DTD1: variants seen among roughly 807,000 people sequenced by gnomAD.
The protein encoded by DTD1 is D-aminoacyl-tRNA deacylase 1.
In DTD1, 13 loss-of-function variants were observed where a neutral mutation model predicts 25.6. That is an observed-to-expected ratio of 0.51 (90% CI 0.33 to 0.81). DTD1 has a LOEUF of 0.81. Ranked by LOEUF, DTD1 falls within the 30% of genes least tolerant of loss-of-function variation. The probability of loss-of-function intolerance (pLI) is 0.02; values close to 1 mark genes in which losing one functional copy is unlikely to be tolerated. For synonymous variants in DTD1, 110 were observed against 103.6 expected (o/e 1.06, Z -0.37); for missense variants, 193 against 266.4 (o/e 0.72, Z 1.92).
chr20:18,640,077 T>C (rs1305363932), intron 4 of DTD1, among the ~76,000 whole-genome samples: 1 of 151,946 alleles, frequency 6.6e-6, no homozygotes, highest in South Asian at 2.1e-4. Context: ...AAGTTTCATG[T>C]TGTCCCTTTG....
intron 3 of DTD1, among the ~76,000 whole-genome samples, chr20:18,621,294 G>A (rs932436134): frequency 2.0e-5 from 3 of 152,118 alleles, no homozygotes; most frequent in Admixed American, 2.0e-4. Context: ...GGCATTTTTG[G>A]CAGGAACACT....
At chr20:18,733,109 G>A (rs549441104) in intron 4 of DTD1, among the ~76,000 whole-genome samples, 12 of 152,300 alleles carry the variant, frequency 7.9e-5, no homozygotes, top group African/African-American at 2.4e-4. Flanking sequence ...AGGGAGGAAA[G>A]CCTAAAAGGG....
At chr20:18,744,575 G>A (rs779788397) in intron 5 of DTD1, among the ~76,000 whole-genome samples, 14 of 145,816 alleles carry the variant, frequency 9.6e-5, no homozygotes, top group Non-Finnish European at 1.8e-4. Flanking sequence ...CTTACATGGC[G>A]GCAGGCAAGA....
At chr20:18,612,057 C>T (rs1174023024) in intron 3 of DTD1, among the ~76,000 whole-genome samples, 10 of 89,156 alleles carry the variant, frequency 1.1e-4, no homozygotes, top group East Asian at 8.4e-4. Context: ...TTTTTTGAAA[C>T]GGAGTCTAGC....
In DTD1 at chr20:18,634,455, A is replaced by T. The variant is rs531337746; in HGVS notation, c.477+6222A>T. Among the ~76,000 whole-genome samples the T allele has an allele frequency of 1.5e-4, 23 of 152,346 alleles. No individual in the cohort carries two copies. The South Asian group carries it at 4.6e-3, about 30-fold the overall frequency. On this transcript the variant is annotated intron_variant, in intron 4 of 5. Transcript: ENST00000377452. ...TTAAATTGAAATGCTGGAAGGAGCT[A>T]AAAAAATGAACTTTCAAGTATACAT...
intron 4 of DTD1, among the ~76,000 whole-genome samples, chr20:18,650,494 C>A (rs2060870256): frequency 6.6e-6 from 1 of 152,206 alleles, no homozygotes. Context: ...CGCTGAGCAC[C>A]CTACTTCATG....
rs140737762 is a variant in DTD1 at position 18,690,598 on chromosome 20, G to A, written c.478-53502G>A. 4.8e-3 allele frequency among the ~76,000 whole-genome samples: 735 copies of A among 152,256 alleles called. 8 individuals are homozygous for A. Among genetic ancestry groups the A allele is most frequent in the African/African-American group, 0.017 (709 of 41,556 alleles). On this transcript the variant is annotated intron_variant, in intron 4 of 5. Coordinates refer to ENST00000377452, the MANE Select transcript of DTD1 (RefSeq NM_080820.6). ...ATCCCAGCATCCTTTATTAAATAGG[G>A]AGTGCTTTCCCCATTGCTTATTTTT...
chr20:18,617,629 A>C (rs548552529), intron 3 of DTD1, among the ~76,000 whole-genome samples: 1 of 152,208 alleles, frequency 6.6e-6, no homozygotes, highest in African/African-American at 2.4e-5. Context: ...AAAAGGTCTA[A>C]ACTGGAAAGG....
At chr20:18,724,910 C>T (rs2061217817) in intron 4 of DTD1, among the ~76,000 whole-genome samples, 1 of 152,250 alleles carries the variant, frequency 6.6e-6, no homozygotes, top group South Asian at 2.1e-4. Flanking sequence ...TGGCATGCCC[C>T]CTCTTTTGTT....
At chr20:18,660,451 G>A (rs1038051312) in intron 4 of DTD1, among the ~76,000 whole-genome samples, 1 of 152,012 alleles carries the variant, frequency 6.6e-6, no homozygotes, top group African/African-American at 2.4e-5. Context: ...GAACTCCTGA[G>A]CTCAAGTAAT....
intron 4 of DTD1, chr20:18,630,675 T>G (rs1057387727): frequency 1.3e-5 from 2 of 152,144 alleles, no homozygotes; most frequent in African/African-American, 4.8e-5. Flanking sequence ...GTTCACTAGG[T>G]TTTTTAAATG....
At chr20:18,595,328 G>A (rs376857984) in intron 2 of DTD1, among the ~76,000 whole-genome samples, 8 of 151,928 alleles carry the variant, frequency 5.3e-5, no homozygotes, top group South Asian at 2.1e-4. Flanking sequence ...GTGCAGTGGT[G>A]CAATCTTAGC....
At position 18,704,310 on chromosome 20, in the gene DTD1, A is replaced by G. The variant is rs535199134; in HGVS notation, c.478-39790A>G. On this transcript the variant is annotated intron_variant, in intron 4 of 5. Transcript: ENST00000377452. ...CCACCACGCCCAGCCAGTAGTTCGT[A>G]GCTTTACAGGCAGGTCATTTGGTCT... Among the ~76,000 whole-genome samples, 98 of 152,262 alleles carry G rather than the reference A, an allele frequency of 6.4e-4. 1 individual carries two copies. The highest frequency in any genetic ancestry group is 1.3e-4 in the Non-Finnish European group (9 of 68,030).
intron 4 of DTD1, among the ~76,000 whole-genome samples, chr20:18,678,548 G>C (rs1227155708): frequency 6.6e-6 from 1 of 152,144 alleles, no homozygotes; most frequent in Non-Finnish European, 1.5e-5. Flanking sequence ...TATTGTAACT[G>C]TGATCTATTC....
intron 4 of DTD1, among the ~76,000 whole-genome samples, chr20:18,690,163 T>C (rs1005394445): frequency 6.8e-6 from 1 of 146,532 alleles, no homozygotes; most frequent in South Asian, 2.2e-4. Flanking sequence ...AATTAAAAAA[T>C]AATTTTACCC....
intron 5 of DTD1, among the ~76,000 whole-genome samples, chr20:18,760,245 AT>A (rs2061356151): frequency 6.6e-6 from 1 of 152,194 alleles, no homozygotes; most frequent in Non-Finnish European, 1.5e-5. Context: ...CGTCAAAGTC[AT>A]TCTCTGTCCA....
intron 3 of DTD1, among the ~76,000 whole-genome samples, chr20:18,620,397 A>G (rs1017605292): frequency 3.3e-5 from 5 of 151,996 alleles, no homozygotes; most frequent in Non-Finnish European, 5.9e-5. Flanking sequence ...CCTAACCCCA[A>G]CCTATGCCAC....
At chr20:18,632,240 G>A in intron 4 of DTD1, 1 of 985,302 alleles carries the variant, frequency 1.0e-6, no homozygotes, top group Non-Finnish European at 1.2e-6. Flanking sequence ...GATTAAAAAA[G>A]ACTTTTAGTT....
intron 4 of DTD1, among the ~76,000 whole-genome samples, chr20:18,680,431 TTG>T (rs1555800169): frequency 0.29 from 41,437 of 142,518 alleles, 5,762 homozygotes; most frequent in Non-Finnish European, 0.34. Context: ...TTTTTTTTTT[TTG>T]GTCTCACTAT....
Sources: allele counts gnomAD v4.1 joint callset (sites outside exome capture counted in the v4.1 genomes callset), GRCh38; gene constraint gnomAD v4.1.1; transcripts MANE v1.5; gene names NCBI Gene and HGNC (gene_info 2026-07-23, HGNC 2026-07-21).